Variants in BTLA observed in about 807,000 individuals in gnomAD.
The protein encoded by BTLA is B and T lymphocyte associated.
In BTLA, 11 loss-of-function variants were observed where a neutral mutation model predicts 25.0. The observed-to-expected ratio is 0.44, with a 90% CI of 0.28 to 0.73. The LOEUF is 0.73. BTLA is among the 30% of genes least tolerant of loss of function. The pLI is 0.15. For missense variants in BTLA, 282 were observed against 332.8 expected, an observed-to-expected ratio of 0.85 and a Z score of 1.19; for synonymous variants, 104 against 119.8, an observed-to-expected ratio of 0.87 and a Z score of 0.86.
chr3:112,473,085 G>C (rs1252456478), intron 2 of BTLA, among the ~76,000 whole-genome samples: 2 of 151,462 alleles, frequency 1.3e-5, no homozygotes, highest in African/African-American at 4.9e-5. Flanking sequence ...AGAACAAACT[G>C]TTTCTCTATT....
chr3:112,467,500 C>T (rs1291931706), intron 4 of BTLA, among the ~76,000 whole-genome samples: 3 of 152,240 alleles, frequency 2.0e-5, no homozygotes, highest in African/African-American at 7.2e-5. Context: ...TCTGGCCTAA[C>T]TCCTTTAAGG....
chr3:112,467,982 A>G (rs1427228125), intron 4 of BTLA, among the ~76,000 whole-genome samples: 1 of 152,250 alleles, frequency 6.6e-6, no homozygotes, highest in Non-Finnish European at 1.5e-5. Flanking sequence ...TGAATGGAGC[A>G]AAAGAAAATA....
intron 1 of BTLA, among the ~76,000 whole-genome samples, chr3:112,483,789 G>A (rs2082331195): frequency 6.6e-6 from 1 of 151,964 alleles, no homozygotes; most frequent in Admixed American, 6.6e-5. Flanking sequence ...CCAACATGGT[G>A]AAACACCGTC....
chr3:112,486,350 T>C (rs1258214951), intron 1 of BTLA, among the ~76,000 whole-genome samples: 1 of 152,110 alleles, frequency 6.6e-6, no homozygotes, highest in African/African-American at 2.4e-5. Context: ...AAAAATATTT[T>C]CAGAAATAAT....
At chr3:112,470,019 C>G (rs2082253729) in intron 3 of BTLA, 1 of 451,872 alleles carries the variant, frequency 2.2e-6, no homozygotes, top group Non-Finnish European at 4.0e-6. Context: ...AGCCCCATGG[C>G]ATATCTAAAA....
chr3:112,489,221 A>G (rs1213051982), intron 1 of BTLA, among the ~76,000 whole-genome samples: 2 of 152,174 alleles, frequency 1.3e-5, no homozygotes, highest in Non-Finnish European at 2.9e-5. Context: ...CTCCATGGCC[A>G]TCCAGCTACA....
Position 112,495,893 on chromosome 3 carries a change from A to G in BTLA, c.88+3378T>C, listed in dbSNP as rs112287070. Among the ~76,000 whole-genome samples the G allele has an allele frequency of 6.0e-3, 912 of 152,340 alleles. 12 individuals carry two copies. The highest frequency in any genetic ancestry group is 0.021 in the African/African-American group (857 of 41,562). On this transcript the variant is annotated intron_variant, in intron 1 of 4. Transcript: ENST00000334529. The stretch of plus-strand genomic sequence containing the variant: ...GGACCATACTGGACCATCATAATAA[A>G]GGGAAAAAAATGACACAAGCCAGAC...
intron 4 of BTLA, among the ~76,000 whole-genome samples, chr3:112,467,250 A>G (rs894053378): frequency 2.3e-4 from 35 of 151,864 alleles, no homozygotes; most frequent in African/African-American, 8.0e-4. Context: ...GTGAGCCACC[A>G]CTCCCGGCAA....
chr3:112,468,753 A>G (rs2082244094), intron 4 of BTLA, among the ~76,000 whole-genome samples: 1 of 152,118 alleles, frequency 6.6e-6, no homozygotes, highest in South Asian at 2.1e-4. Context: ...ATTTAAGAAA[A>G]TTTCCCTATT....
At chr3:112,480,986 G>A (rs895357410) in intron 1 of BTLA, among the ~76,000 whole-genome samples, 1 of 152,208 alleles carries the variant, frequency 6.6e-6, no homozygotes, top group African/African-American at 2.4e-5. Flanking sequence ...CTATGATCAT[G>A]TAAATCAAAA....
intron 3 of BTLA, 24 bp downstream of exon 3, chr3:112,471,188 G>C: frequency 1.2e-6 from 2 of 1,612,012 alleles, no homozygotes; most frequent in Non-Finnish European, 1.7e-6. Flanking sequence ...GTGGTACTGG[G>C]GGCAGAGGGA....
chr3:112,465,846 C>T lies in BTLA; in HGVS notation c.*262G>A, dbSNP rs532865354. Reference sequence around the variant, plus strand: ...TAAAATGTAGCTAAGTTTAAACGTTCTACTATTCTGCTACTCATGATGTCA... The same window carrying T: ...TAAAATGTAGCTAAGTTTAAACGTTTTACTATTCTGCTACTCATGATGTCA... On this transcript the variant is annotated 3_prime_UTR_variant, in exon 5 of 5. Transcript: ENST00000334529. 3.1e-6 allele frequency: 1 copy of T among 325,396 alleles called. No individual in the cohort carries two copies. Among genetic ancestry groups the T allele is most frequent in the African/African-American group, 2.1e-5 (1 of 47,446 alleles). The allele number at this position is 325,396 out of a possible 1,614,324, so 20.2% of individuals were successfully genotyped here.
At chr3:112,486,155 T>A (rs1553732002) in intron 1 of BTLA, among the ~76,000 whole-genome samples, 2 of 151,754 alleles carry the variant, frequency 1.3e-5, no homozygotes, top group Non-Finnish European at 2.9e-5. Context: ...AAACTTCTAC[T>A]CCCCCCCAGG....
At chr3:112,494,076 C>G (rs1366126357) in intron 1 of BTLA, among the ~76,000 whole-genome samples, 1 of 152,088 alleles carries the variant, frequency 6.6e-6, no homozygotes, top group African/African-American at 2.4e-5. Context: ...CGCCACTGCA[C>G]TCCAGCCTGG....
At chr3:112,496,943 G>A (rs1325583752) in intron 1 of BTLA, among the ~76,000 whole-genome samples, 1 of 152,144 alleles carries the variant, frequency 6.6e-6, no homozygotes, top group Non-Finnish European at 1.5e-5. Flanking sequence ...GACCAGTCTG[G>A]TCTTAAACTC....
At position 112,499,421 on chromosome 3, in the gene BTLA, T is replaced by G. The variant is rs921684726; in HGVS notation, c.-63A>C. 2 of 1,441,794 alleles carry G rather than the reference T, an allele frequency of 1.4e-6. No individual in the cohort carries two copies. Among genetic ancestry groups the G allele is most frequent in the Non-Finnish European group, 1.9e-6 (2 of 1,045,964 alleles). The allele number at this position is 1,441,794 out of a possible 1,614,324, so 89.3% of individuals were successfully genotyped here. A position where few individuals can be genotyped will look rare whatever the true frequency, so the allele number is the denominator to read the frequency against. Reference sequence around the variant, plus strand: ...AGAAGGCTTTGCTTCGTCTTCTGAGTGCTGCAGAGTTGGGTCAGTTTACCT... The same window carrying G: ...AGAAGGCTTTGCTTCGTCTTCTGAGGGCTGCAGAGTTGGGTCAGTTTACCT... On this transcript the variant is annotated 5_prime_UTR_variant, in exon 1 of 5. Transcript: ENST00000334529.
intron 2 of BTLA, among the ~76,000 whole-genome samples, chr3:112,477,665 C>G (rs1035357726): frequency 2.0e-5 from 3 of 152,072 alleles, no homozygotes; most frequent in African/African-American, 7.2e-5. Context: ...TAAGAAAACA[C>G]TGCTAAATCC....
Position 112,466,217 on chromosome 3 carries a change from C to T in BTLA, c.761G>A (p.Gly254Asp). The change falls in exon 5 of 5, where the codon GGC becomes GAC. Residue 254 changes from glycine to aspartate, a missense_variant. Coordinates refer to ENST00000334529, the MANE Select transcript of BTLA (RefSeq NM_181780.4). ...ATGGTTCAGGGAAGCATAAACAATG[C>T]CTGGTTTGTTTTCTTCCAGGCATGG... is the stretch of plus-strand genomic sequence containing the variant. ...SNPCLEENKP[G>D]IVYASLNHSV... 1.9e-6 allele frequency: 3 copies of T among 1,613,876 alleles called. No individual in the cohort carries two copies. The highest frequency in any genetic ancestry group is 1.1e-5 in the South Asian group (1 of 91,004).
rs71631392 is a variant in BTLA at position 112,469,629 on chromosome 3, A to ACATAGAATATGTATATAC, written c.594+128_594+129insGTATATACATATTCTATG. The ACATAGAATATGTATATAC allele has an allele frequency of 2.7e-4, 34 of 127,906 alleles. 1 individual carries two copies. The highest frequency in any genetic ancestry group is 4.0e-4 in the Non-Finnish European group (27 of 66,682). 7.9% of individuals were successfully genotyped at this position (127,906 alleles called of 1,614,324 possible). A position where few individuals can be genotyped will look rare whatever the true frequency, so the allele number is the denominator to read the frequency against. ...TATGTATATATATATATATATATAT[A>ACATAGAATATGTATATAC]TATATATATATATATATATAGTACA... On this transcript the variant is annotated intron_variant, in intron 4 of 4. Coordinates refer to ENST00000334529, the MANE Select transcript of BTLA (RefSeq NM_181780.4).
Sources: gnomAD v4.1 joint callset for allele counts (sites outside exome capture counted in the v4.1 genomes callset) on GRCh38, gnomAD v4.1.1 for gene constraint, MANE v1.5 for transcripts, NCBI Gene and HGNC (gene_info 2026-07-23, HGNC 2026-07-21) for gene names.